The following TNFSF8 variants were observed in gnomAD, a reference collection of about 807,000 sequenced individuals.
The protein encoded by TNFSF8 is tumor necrosis factor ligand superfamily member 8.
A neutral mutation model predicts 22.0 loss-of-function variants in TNFSF8; 4 were observed. That is an observed-to-expected ratio of 0.18 (90% CI 0.09 to 0.42). The LOEUF is 0.42. Ranked by LOEUF, TNFSF8 falls within the 10% of genes least tolerant of loss-of-function variation. The probability of loss-of-function intolerance (pLI) is 1.00; values close to 1 mark genes in which losing one functional copy is unlikely to be tolerated. For missense variants in TNFSF8, 233 were observed against 281.8 expected, an observed-to-expected ratio of 0.83 and a Z score of 1.24; for synonymous variants, 106 against 112.5, an observed-to-expected ratio of 0.94 and a Z score of 0.37.
intron 2 of TNFSF8, 96 bp from the exon 3 acceptor site, chr9:114,905,995 A>G (rs1443786374): frequency 2.5e-6 from 2 of 788,938 alleles, no homozygotes; most frequent in African/African-American, 3.5e-5. Flanking sequence ...GGAGACAATT[A>G]CCGTTCTGTT....
intron 2 of TNFSF8, among the ~76,000 whole-genome samples, chr9:114,912,016 G>A (rs890917633): frequency 6.6e-6 from 1 of 152,180 alleles, no homozygotes; most frequent in African/African-American, 2.4e-5. Context: ...AAATGCAAAA[G>A]TATGGCAGCA....
rs1473582084 is a variant in TNFSF8, at chr9:114,903,131, T to G, written c.*800A>C. On this transcript the variant is annotated 3_prime_UTR_variant, in exon 4 of 4. Transcript: ENST00000223795. ...ACTGTCTTGCTGTCTCTGTCTGACTTCTTATTCCTGCCTCATGTAACCTAG... is the reference window on the plus strand; with the variant it reads ...ACTGTCTTGCTGTCTCTGTCTGACTGCTTATTCCTGCCTCATGTAACCTAG... 1 of 152,328 alleles carries G rather than the reference T, an allele frequency of 6.6e-6. No homozygotes were observed. The highest frequency in any genetic ancestry group is 1.9e-4 in the East Asian group (1 of 5,198). The allele number at this position is 152,328 out of a possible 1,614,324, so 9.4% of individuals were successfully genotyped here.
rs1827718461 is a variant in TNFSF8 at position 114,901,666 on chromosome 9, C to T, written c.*2265G>A. On this transcript the variant is annotated 3_prime_UTR_variant, in exon 4 of 4. Transcript: ENST00000223795. Reference sequence around the variant, plus strand: ...TTTCCCTGTTTTTTTAGCCTTGAGTCTCAAAGTCTGTTTTGTTTTTTACCA... The same window carrying T: ...TTTCCCTGTTTTTTTAGCCTTGAGTTTCAAAGTCTGTTTTGTTTTTTACCA... 1 of 985,282 alleles carries T rather than the reference C, an allele frequency of 1.0e-6. No individual in the cohort carries two copies. Among genetic ancestry groups the T allele is most frequent in the Non-Finnish European group, 1.2e-6 (1 of 829,944 alleles). 61.0% of individuals were successfully genotyped at this position (985,282 alleles called of 1,614,324 possible).
At chr9:114,928,564 C>G (rs1828092381) in intron 1 of TNFSF8, among the ~76,000 whole-genome samples, 1 of 152,170 alleles carries the variant, frequency 6.6e-6, no homozygotes. Flanking sequence ...GATCCTTTAA[C>G]TAAAGAACTT....
Position 114,903,827 on chromosome 9 carries a change from G to C in TNFSF8, c.*104C>G. ...AGAAGTATACTATTTAATACCCTGTGTAGTTTGTCTTGGTCTAAAGTTTTC... is the reference window on the plus strand; with the variant it reads ...AGAAGTATACTATTTAATACCCTGTCTAGTTTGTCTTGGTCTAAAGTTTTC... On this transcript the variant is annotated 3_prime_UTR_variant, in exon 4 of 4. Transcript: ENST00000223795. 1 of 1,510,238 alleles carries C rather than the reference G, an allele frequency of 6.6e-7. No individual in the cohort carries two copies. Among genetic ancestry groups the C allele is most frequent in the Non-Finnish European group, 8.8e-7 (1 of 1,136,936 alleles). The allele number at this position is 1,510,238 out of a possible 1,614,324, so 93.6% of individuals were successfully genotyped here.
chr9:114,897,120 C>T (rs770716522), downstream of TNFSF8, among the ~76,000 whole-genome samples: 42 of 152,220 alleles, frequency 2.8e-4, no homozygotes, highest in Admixed American at 2.7e-3. Flanking sequence ...AGGCTGGTCT[C>T]GAACCCCTGA....
At chr9:114,915,618 C>T (rs149472937) in intron 2 of TNFSF8, among the ~76,000 whole-genome samples, 1 of 152,252 alleles carries the variant, frequency 6.6e-6, no homozygotes, top group East Asian at 1.9e-4. Flanking sequence ...CCTTGTATGA[C>T]CTTGGGCAAA....
chr9:114,904,738 A>G (rs114629671), intron 3 of TNFSF8, among the ~76,000 whole-genome samples: 8 of 152,344 alleles, frequency 5.3e-5, no homozygotes, highest in African/African-American at 1.9e-4. Flanking sequence ...TGCAAAAGGT[A>G]TCAGAGATAG....
exon 5 of TNFSF8, chr9:114,893,971 G>T: frequency 1.1e-6 from 1 of 881,786 alleles, no homozygotes; most frequent in Non-Finnish European, 1.8e-6. Context: ...TGGCTATGTC[G>T]GTTTAGGCCC....
Position 114,902,355 on chromosome 9 carries a change from A to T in TNFSF8, c.*1576T>A, listed in dbSNP as rs569572380. ...ATATTATGCAGGGGATGGAGCAGCC[A>T]TTCCCTGGCTAGATGACCACATCAC... is the stretch of plus-strand genomic sequence containing the variant. On this transcript the variant is annotated 3_prime_UTR_variant, in exon 4 of 4. Coordinates refer to ENST00000223795, the MANE Select transcript of TNFSF8 (RefSeq NM_001244.4). The T allele has an allele frequency of 2.0e-6, 2 of 985,448 alleles. No individual in the cohort carries two copies. Among genetic ancestry groups the T allele is most frequent in the Non-Finnish European group, 2.4e-6 (2 of 829,930 alleles). The allele number at this position is 985,448 out of a possible 1,614,324, so 61.0% of individuals were successfully genotyped here.
Position 114,902,529 on chromosome 9 carries a change from G to A in TNFSF8, c.*1402C>T, listed in dbSNP as rs914373625. On this transcript the variant is annotated 3_prime_UTR_variant, in exon 4 of 4. Transcript: ENST00000223795. ...ACACCCAGATGGTCTCTTAGATTCT[G>A]GATGGTCAGTGTGGTAGTTCTTTCC... The A allele has an allele frequency of 1.0e-6, 1 of 985,322 alleles. No homozygotes were observed. The highest frequency in any genetic ancestry group is 1.7e-5 in the African/African-American group (1 of 57,242). The allele number at this position is 985,322 out of a possible 1,614,324, so 61.0% of individuals were successfully genotyped here. A position where few individuals can be genotyped will look rare whatever the true frequency, so the allele number is the denominator to read the frequency against.
intron 1 of TNFSF8, among the ~76,000 whole-genome samples, chr9:114,928,885 C>G (rs1420274399): frequency 6.6e-6 from 1 of 152,124 alleles, no homozygotes; most frequent in Admixed American, 6.5e-5. Flanking sequence ...CCTTTTAAAG[C>G]CTAGTTCTTT....
chr9:114,927,740 AC>A (rs1253097941), intron 1 of TNFSF8, among the ~76,000 whole-genome samples: 1 of 152,204 alleles, frequency 6.6e-6, no homozygotes, highest in Middle Eastern at 3.4e-3. Flanking sequence ...ATGGTTCTCC[AC>A]CCCTGTTCCC....
intron 1 of TNFSF8, among the ~76,000 whole-genome samples, chr9:114,928,023 A>G (rs759162538): frequency 9.2e-5 from 14 of 152,274 alleles, no homozygotes; most frequent in Non-Finnish European, 1.6e-4. Context: ...ATTTATTGAA[A>G]ATGATATGTG....
chr9:114,900,286 A>C (rs1308419709), downstream of TNFSF8, among the ~76,000 whole-genome samples: 2 of 152,210 alleles, frequency 1.3e-5, no homozygotes, highest in African/African-American at 4.8e-5. Flanking sequence ...TGGAAGGGAC[A>C]AACCCTTAAA....
intron 1 of TNFSF8, among the ~76,000 whole-genome samples, chr9:114,920,374 G>T (rs1433112831): frequency 1.3e-5 from 2 of 152,244 alleles, no homozygotes; most frequent in Non-Finnish European, 2.9e-5. Flanking sequence ...AGTTCGGGAA[G>T]TCCTAGAGAA....
At chr9:114,894,016 A>T (rs1470230296) in exon 5 of TNFSF8, 6 of 1,367,956 alleles carry the variant, frequency 4.4e-6, no homozygotes, top group Non-Finnish European at 6.0e-6. Flanking sequence ...ATGACTTTCC[A>T]CTTAGCAGTG....
chr9:114,903,647 T>G lies in TNFSF8; in HGVS notation c.*284A>C. ...AAATAGATCAAGACCATACAGTGAA[T>G]TAGAGGTTGGGCTGGGACATCCATT... On this transcript the variant is annotated 3_prime_UTR_variant, in exon 4 of 4. Transcript: ENST00000223795. 4 of 1,060,328 alleles carry G rather than the reference T, an allele frequency of 3.8e-6. No individual in the cohort carries two copies. The East Asian group carries it at 1.6e-4, about 42-fold the overall frequency. The allele number at this position is 1,060,328 out of a possible 1,614,324, so 65.7% of individuals were successfully genotyped here.
chr9:114,915,931 C>T (rs1016463318), intron 2 of TNFSF8, among the ~76,000 whole-genome samples: 1 of 152,134 alleles, frequency 6.6e-6, no homozygotes, highest in African/African-American at 2.4e-5. Context: ...GTTTTGATTA[C>T]TTTGTGTTCT....
Sources: allele counts gnomAD v4.1 joint callset (sites outside exome capture counted in the v4.1 genomes callset), GRCh38; gene constraint gnomAD v4.1.1; transcripts MANE v1.5; gene names NCBI Gene and HGNC (gene_info 2026-07-23, HGNC 2026-07-21).